Variants in FOSL2 observed in about 807,000 individuals in gnomAD.
The protein encoded by FOSL2 is fos-related antigen 2.
In FOSL2, 3 loss-of-function variants were observed where a neutral mutation model predicts 27.7. The observed-to-expected ratio is 0.11, with a 90% CI of 0.05 to 0.28. The LOEUF is 0.28. Ranked by LOEUF, FOSL2 falls within the 10% of genes least tolerant of loss-of-function variation. FOSL2 has a pLI of 1.00. For synonymous variants in FOSL2, 179 were observed against 190.1 expected (o/e 0.94, Z 0.48); for missense variants, 333 against 445.1 (o/e 0.75, Z 2.27).
rs1664280861 is a variant in FOSL2 at position 28,414,835 on chromosome 2, C to T, written c.*2387C>T. The T allele has an allele frequency of 6.6e-6, 1 of 152,206 alleles. No individual in the cohort carries two copies. The highest frequency in any genetic ancestry group is 2.4e-5 in the African/African-American group (1 of 41,432). The allele number at this position is 152,206 out of a possible 1,614,324, so 9.4% of individuals were successfully genotyped here. The stretch of plus-strand genomic sequence containing the variant: ...CAGCAGAAGGCAAACGTCCAGCCAA[C>T]ACACAGGACTGTAAGAGGACTCTGA... On this transcript the variant is annotated 3_prime_UTR_variant, in exon 4 of 4. Transcript: ENST00000264716.
intron 1 of FOSL2, among the ~76,000 whole-genome samples, chr2:28,394,267 C>T (rs1317463035): frequency 6.6e-6 from 1 of 152,086 alleles, no homozygotes; most frequent in Non-Finnish European, 1.5e-5. Flanking sequence ...TCTCTCTCCT[C>T]CCCGTTCTCC....
intron 1 of FOSL2, chr2:28,396,837 CAA>C (rs3221243): frequency 3.4e-5 from 5 of 145,784 alleles, no homozygotes; most frequent in East Asian, 1.9e-4. Context: ...CACACACACA[CAA>C]AATTCCCCAG....
Position 28,414,050 on chromosome 2 carries a change from C to T in FOSL2, c.*1602C>T, listed in dbSNP as rs1471055069. 2 of 386,456 alleles carry T rather than the reference C, an allele frequency of 5.2e-6. No homozygotes were observed. Among genetic ancestry groups the T allele is most frequent in the African/African-American group, 2.1e-5 (1 of 48,558 alleles). The allele number at this position is 386,456 out of a possible 1,614,324, so 23.9% of individuals were successfully genotyped here. On this transcript the variant is annotated 3_prime_UTR_variant, in exon 4 of 4. Transcript: ENST00000264716. ...TGCTGAGTTTCTTGTCCAGCAGGGC[C>T]TTGACAGGAATCCAGGGAGTAGCTC...
At chr2:28,410,581 T>C (rs1035939961) in intron 3 of FOSL2, 54 of 973,004 alleles carry the variant, frequency 5.5e-5, no homozygotes, top group Non-Finnish European at 6.4e-5. Flanking sequence ...TGCCCGTATG[T>C]CCTCACTGAT....
At chr2:28,409,740 T>G (rs2148096224) in intron 3 of FOSL2, among the ~76,000 whole-genome samples, 1 of 152,234 alleles carries the variant, frequency 6.6e-6, no homozygotes, top group East Asian at 1.9e-4. Flanking sequence ...ACACTTTTTT[T>G]GTTATTATAA....
At chr2:28,399,133 A>G (rs570258592) in intron 1 of FOSL2, among the ~76,000 whole-genome samples, 2 of 152,378 alleles carry the variant, frequency 1.3e-5, no homozygotes, top group South Asian at 4.1e-4. Flanking sequence ...GGCAGTTTAC[A>G]GAGTCCACAG....
chr2:28,406,641 T>C (rs200635266), intron 2 of FOSL2, among the ~76,000 whole-genome samples: 3 of 152,166 alleles, frequency 2.0e-5, no homozygotes, highest in African/African-American at 7.2e-5. Flanking sequence ...CCTTCCTTTT[T>C]TGAGAGGGAG....
chr2:28,408,715 C>G lies in FOSL2; in HGVS notation c.355-44C>G. 1 of 1,370,762 alleles carries G rather than the reference C, an allele frequency of 7.3e-7. No individual in the cohort carries two copies. Among genetic ancestry groups the G allele is most frequent in the Non-Finnish European group, 1.0e-6 (1 of 997,828 alleles). 84.9% of individuals were successfully genotyped at this position (1,370,762 alleles called of 1,614,324 possible). ...TACAGTTTTTAAAAAATACTGTGAA[C>G]CATTGTCTCTGTTCTAACCATGATC... is the stretch of plus-strand genomic sequence containing the variant. On this transcript the variant is annotated intron_variant, in intron 2 of 3. Coordinates refer to ENST00000264716, the MANE Select transcript of FOSL2 (RefSeq NM_005253.4). The surrounding 1 kb of genome is among the most constrained non-coding windows in gnomAD (Gnocchi z 4.1).
At chr2:28,401,737 A>G (rs1663977140) in intron 1 of FOSL2, among the ~76,000 whole-genome samples, 1 of 151,604 alleles carries the variant, frequency 6.6e-6, no homozygotes, top group African/African-American at 2.4e-5. Context: ...TGTTCACTGC[A>G]CTCTTCCCTC....
In FOSL2 at chr2:28,415,412, C is replaced by CT. The variant is rs1357855632; in HGVS notation, c.*2964_*2965insT. On this transcript the variant is annotated 3_prime_UTR_variant, in exon 4 of 4. Transcript: ENST00000264716. ...CACTGGGGAGGTTTTCAGAGTCAAA[C>CT]ATCATTCTGCCTGTGTTGGGGGCCA... 6.6e-6 allele frequency: 1 copy of CT among 152,206 alleles called. No individual in the cohort carries two copies. Among genetic ancestry groups the CT allele is most frequent in the Non-Finnish European group, 1.5e-5 (1 of 68,056 alleles). The allele number at this position is 152,206 out of a possible 1,614,324, so 9.4% of individuals were successfully genotyped here.
chr2:28,400,187 A>T (rs532932512), intron 1 of FOSL2, among the ~76,000 whole-genome samples: 4 of 152,252 alleles, frequency 2.6e-5, no homozygotes, highest in African/African-American at 9.6e-5. Context: ...TCCTGATCCC[A>T]TCACTCCCAG....
At position 28,413,900 on chromosome 2, in the gene FOSL2, C is replaced by T; in HGVS notation, c.*1452C>T. The T allele has an allele frequency of 2.5e-6, 1 of 398,612 alleles. No individual in the cohort carries two copies. Among genetic ancestry groups the T allele is most frequent in the East Asian group, 3.6e-5 (1 of 28,072 alleles). The allele number at this position is 398,612 out of a possible 1,614,324, so 24.7% of individuals were successfully genotyped here. A position where few individuals can be genotyped will look rare whatever the true frequency, so the allele number is the denominator to read the frequency against. On this transcript the variant is annotated 3_prime_UTR_variant, in exon 4 of 4. Transcript: ENST00000264716. ...TGGAGATAGGATGTTTTGCTTCCCA[C>T]TGCAGGAGAGCTGCCCCCTTTCACG... is the stretch of plus-strand genomic sequence containing the variant.
chr2:28,398,912 C>G (rs1390970376), intron 1 of FOSL2, among the ~76,000 whole-genome samples: 1 of 152,202 alleles, frequency 6.6e-6, no homozygotes, highest in Non-Finnish European at 1.5e-5. Flanking sequence ...AGTAAAAATA[C>G]AGAGTATTTG....
intron 1 of FOSL2, among the ~76,000 whole-genome samples, chr2:28,400,409 C>G (rs572673173): frequency 4.8e-4 from 73 of 152,154 alleles, no homozygotes; most frequent in Non-Finnish European, 2.2e-4. Context: ...CTCTTCTCTC[C>G]TACCCCAGTG....
chr2:28,412,488 C>G lies in FOSL2; in HGVS notation c.*40C>G. On this transcript the variant is annotated 3_prime_UTR_variant, in exon 4 of 4. Coordinates refer to ENST00000264716, the MANE Select transcript of FOSL2 (RefSeq NM_005253.4). This position sits in a 1 kb window ranked among gnomAD's most constrained non-coding sequence, Gnocchi z 7.1. ...CTCCCCAGCTCCGGAGGGGGTCCTCCTCGCTCCTCCTTCCCAGGGACCAGC... is the reference window on the plus strand; with the variant it reads ...CTCCCCAGCTCCGGAGGGGGTCCTCGTCGCTCCTCCTTCCCAGGGACCAGC... 1 of 1,574,496 alleles carries G rather than the reference C, an allele frequency of 6.4e-7. No homozygotes were observed. Among genetic ancestry groups the G allele is most frequent in the South Asian group, 1.1e-5 (1 of 87,566 alleles).
At chr2:28,394,151 A>G (rs187408185) in intron 1 of FOSL2, among the ~76,000 whole-genome samples, 1 of 61,078 alleles carries the variant, frequency 1.6e-5, no homozygotes, top group Non-Finnish European at 3.1e-5. Flanking sequence ...CCCCCCCCCC[A>G]CCCCTGCCCC....
Position 28,414,398 on chromosome 2 carries a change from C to T in FOSL2, c.*1950C>T, listed in dbSNP as rs997985573. ...TAAAATACTTTAAAAATGTTATTTC[C>T]TGCATCCCTTGGCTGTGATGCCCCT... On this transcript the variant is annotated 3_prime_UTR_variant, in exon 4 of 4. Transcript: ENST00000264716. 6.6e-6 allele frequency: 1 copy of T among 152,152 alleles called. No individual in the cohort carries two copies. The highest frequency in any genetic ancestry group is 1.5e-5 in the Non-Finnish European group (1 of 68,034). The allele number at this position is 152,152 out of a possible 1,614,324, so 9.4% of individuals were successfully genotyped here.
chr2:28,393,977 C>G lies in FOSL2; in HGVS notation c.102+155C>G, dbSNP rs373663728. 5.9e-5 allele frequency among the ~76,000 whole-genome samples: 9 copies of G among 152,152 alleles called. No homozygotes were observed. Among genetic ancestry groups the G allele is most frequent in the East Asian group, 5.8e-4 (3 of 5,160 alleles). ...GGATTTTCGTCCTCCCCTTCCCCCC[C>G]ACCCCCTTTTAAACTAGGGGATTGG... On this transcript the variant is annotated intron_variant, in intron 1 of 3. Transcript: ENST00000264716. This position sits in a 1 kb window ranked among gnomAD's most constrained non-coding sequence, Gnocchi z 4.6.
chr2:28,412,170 T>G lies in FOSL2; in HGVS notation c.703T>G (p.Ser235Ala). The change falls in exon 4 of 4, where the codon TCG becomes GCG. Residue 235 changes from serine to alanine, a missense_variant. Ser to Ala is a moderately conservative substitution (Grantham distance 99). Around this residue, in one of 4 missense-constraint regions of FOSL2, gnomAD observed 136 missense variants for 123.7 expected, o/e 1.10. Coordinates refer to ENST00000264716, the MANE Select transcript of FOSL2 (RefSeq NM_005253.4). The surrounding 1 kb of genome is among the most constrained non-coding windows in gnomAD (Gnocchi z 7.1). ...PLEEDSPSSS[S>A]AGLDKAQRSV... ...GGAAGAGGACAGCCCCTCGTCCTCGTCGGCGGGGCTGGACAAGGCCCAGCG... is the reference window on the plus strand; with the variant it reads ...GGAAGAGGACAGCCCCTCGTCCTCGGCGGCGGGGCTGGACAAGGCCCAGCG... The G allele has an allele frequency of 6.2e-7, 1 of 1,607,448 alleles. No individual in the cohort carries two copies. Among genetic ancestry groups the G allele is most frequent in the Non-Finnish European group, 8.5e-7 (1 of 1,176,174 alleles).
Sources: gnomAD v4.1 joint callset for allele counts (sites outside exome capture counted in the v4.1 genomes callset) on GRCh38, gnomAD v4.1.1 for gene constraint, gnomAD v4.1.1 regional missense constraint, Gnocchi (gnomAD v3.1) non-coding constraint, MANE v1.5 for transcripts, NCBI Gene and HGNC (gene_info 2026-07-23, HGNC 2026-07-21) for gene names.